MYRIP: variants seen among roughly 807,000 people sequenced by gnomAD.
MYRIP encodes the protein myosin VIIA and Rab interacting protein, also known as rab effector MyRIP.
In MYRIP, 49 loss-of-function variants were observed where a neutral mutation model predicts 98.0. The observed-to-expected ratio is 0.50, with a 90% CI of 0.40 to 0.63. The LOEUF is 0.63. MYRIP is among the 30% of genes least tolerant of loss of function. The pLI is 0.00. For synonymous variants in MYRIP, 404 were observed against 409.5 expected (o/e 0.99, Z 0.16); for missense variants, 1,004 against 1,058.2 (o/e 0.95, Z 0.71).
rs1347446161 is a variant in MYRIP, at chr3:40,258,393, A to AAGAC, written c.*231_*234dup. 1 of 489,616 alleles carries AAGAC rather than the reference A, an allele frequency of 2.0e-6. No individual in the cohort carries two copies. The highest frequency in any genetic ancestry group is 3.7e-6 in the Non-Finnish European group (1 of 271,952). The allele number at this position is 489,616 out of a possible 1,614,324, so 30.3% of individuals were successfully genotyped here. On this transcript the variant is annotated 3_prime_UTR_variant, in exon 17 of 17. Transcript: ENST00000302541. ...CTGCCTTAGGCTCCCAGGGGAATCC[A>AAGAC]AGACAGAAAATGAAGACACTGGCTT...
chr3:40,157,690 T>C (rs1950276600), intron 4 of MYRIP, among the ~76,000 whole-genome samples: 1 of 150,842 alleles, frequency 6.6e-6, no homozygotes, highest in Admixed American at 6.6e-5. Flanking sequence ...ATTGGTCTAT[T>C]CAGAGATTCA....
chr3:39,835,943 A>C (rs923104818), intron 1 of MYRIP, among the ~76,000 whole-genome samples: 1 of 152,184 alleles, frequency 6.6e-6, no homozygotes, highest in African/African-American at 2.4e-5. Flanking sequence ...TTATGGCTGC[A>C]TAGTATTCCA....
chr3:40,212,546 A>T (rs1334338420), intron 11 of MYRIP, among the ~76,000 whole-genome samples: 1 of 152,152 alleles, frequency 6.6e-6, no homozygotes, highest in Non-Finnish European at 1.5e-5. Flanking sequence ...AGGCAGGCAG[A>T]TCGCTTGAGC....
intron 11 of MYRIP, among the ~76,000 whole-genome samples, chr3:40,223,279 T>C (rs1952389075): frequency 6.6e-6 from 1 of 152,094 alleles, no homozygotes; most frequent in Non-Finnish European, 1.5e-5. Flanking sequence ...AGTTTAGAAA[T>C]GTTTAGAAAA....
chr3:39,819,251 G>A (rs1941028833), intron 1 of MYRIP, among the ~76,000 whole-genome samples: 2 of 152,072 alleles, frequency 1.3e-5, no homozygotes, highest in South Asian at 2.1e-4. Flanking sequence ...AGGAGCCTGA[G>A]GCAGGAGAAT....
chr3:39,996,648 T>C (rs1946366115), intron 2 of MYRIP, among the ~76,000 whole-genome samples: 1 of 152,048 alleles, frequency 6.6e-6, no homozygotes, highest in Non-Finnish European at 1.5e-5. Context: ...AACAAGGATA[T>C]CCAGGAACTG....
intron 2 of MYRIP, among the ~76,000 whole-genome samples, chr3:39,955,742 G>A (rs372142941): frequency 2.6e-5 from 4 of 152,072 alleles, no homozygotes; most frequent in South Asian, 2.1e-4. Flanking sequence ...CAAATTGGAT[G>A]AAGAGTCAAG....
chr3:40,232,780 G>A (rs778921192), intron 11 of MYRIP: 6 of 152,300 alleles, frequency 3.9e-5, no homozygotes, highest in East Asian at 1.9e-4. Flanking sequence ...GCCCAAATCC[G>A]GGTTGATTGT....
At chr3:40,033,753 G>T (rs28815222) in intron 2 of MYRIP, among the ~76,000 whole-genome samples, 9,950 of 151,668 alleles carry the variant, frequency 0.066, 445 homozygotes, top group East Asian at 0.17. Flanking sequence ...AAAAAGAGGC[G>T]GCATTGCCAA....
chr3:39,829,928 C>G (rs756459473), intron 1 of MYRIP, among the ~76,000 whole-genome samples: 6 of 152,104 alleles, frequency 3.9e-5, no homozygotes, highest in Non-Finnish European at 7.4e-5. Flanking sequence ...CTTTTCTGCT[C>G]AAATTATCTC....
chr3:39,830,598 G>A (rs1253871315), intron 1 of MYRIP, among the ~76,000 whole-genome samples: 1 of 152,068 alleles, frequency 6.6e-6, no homozygotes, highest in Non-Finnish European at 1.5e-5. Flanking sequence ...TTTGTTCTGT[G>A]ACCAATATGA....
At chr3:39,959,426 G>A (rs1478010940) in intron 2 of MYRIP, among the ~76,000 whole-genome samples, 6 of 152,042 alleles carry the variant, frequency 3.9e-5, no homozygotes, top group Non-Finnish European at 7.4e-5. Context: ...CGCAGGGACA[G>A]AAAACCAAAC....
chr3:40,116,210 G>T (rs1949273442), intron 3 of MYRIP, among the ~76,000 whole-genome samples: 1 of 152,096 alleles, frequency 6.6e-6, no homozygotes, highest in Admixed American at 6.5e-5. Context: ...CCCTGATGCT[G>T]GTATCCCCTA....
chr3:39,909,822 A>C (rs919537306), intron 2 of MYRIP, among the ~76,000 whole-genome samples: 3 of 152,286 alleles, frequency 2.0e-5, no homozygotes, highest in Non-Finnish European at 4.4e-5. Flanking sequence ...CATTGAATAG[A>C]GTGTGGGGTT....
intron 3 of MYRIP, among the ~76,000 whole-genome samples, chr3:40,124,004 C>A (rs1949465161): frequency 6.6e-6 from 1 of 152,182 alleles, no homozygotes; most frequent in Admixed American, 6.5e-5. Flanking sequence ...GGCTTCCAGA[C>A]AGAGTGCTCC....
At chr3:40,244,778 T>C in intron 13 of MYRIP, 171 bp downstream of exon 13, 1 of 728,810 alleles carries the variant, frequency 1.4e-6, no homozygotes, top group Non-Finnish European at 2.1e-6. Flanking sequence ...CCTTTAAAAG[T>C]GTAGTCCTCT....
At chr3:40,066,328 A>T (rs1948125922) in intron 3 of MYRIP, among the ~76,000 whole-genome samples, 1 of 152,134 alleles carries the variant, frequency 6.6e-6, no homozygotes, top group African/African-American at 2.4e-5. Context: ...GACCATCCTG[A>T]TATGTTAAGG....
chr3:40,201,532 A>G (rs1022247203), intron 10 of MYRIP, among the ~76,000 whole-genome samples: 1 of 152,170 alleles, frequency 6.6e-6, no homozygotes, highest in Non-Finnish European at 1.5e-5. Context: ...TGGTGCTAAG[A>G]TTTCATAACA....
intron 2 of MYRIP, among the ~76,000 whole-genome samples, chr3:39,996,800 A>C (rs191158713): frequency 2.6e-5 from 4 of 152,192 alleles, no homozygotes; most frequent in African/African-American, 9.7e-5. Flanking sequence ...ACTCCTCAGC[A>C]AATGTAAAAG....
Sources: allele counts gnomAD v4.1 joint callset (sites outside exome capture counted in the v4.1 genomes callset), GRCh38; gene constraint gnomAD v4.1.1; transcripts MANE v1.5; gene names NCBI Gene and HGNC (gene_info 2026-07-23, HGNC 2026-07-21).